PDE11A: variants seen among roughly 807,000 people sequenced by gnomAD.
PDE11A encodes the protein dual 3',5'-cyclic-AMP and -GMP phosphodiesterase 11A.
A neutral mutation model predicts 100.5 loss-of-function variants in PDE11A; 100 were observed. That is an observed-to-expected ratio of 1.00 (90% CI 0.85 to 1.18). The LOEUF is 1.18. PDE11A is among the 50% of genes most tolerant of loss of function. The probability of loss-of-function intolerance (pLI) is 0.00; values close to 1 mark genes in which losing one functional copy is unlikely to be tolerated. For synonymous variants in PDE11A, 381 were observed against 420.8 expected (o/e 0.91, Z 1.16); for missense variants, 1,141 against 1,152.6 (o/e 0.99, Z 0.15).
At chr2:177,700,320 A>T (rs1400161897) in intron 14 of PDE11A, among the ~76,000 whole-genome samples, 3 of 151,812 alleles carry the variant, frequency 2.0e-5, no homozygotes, top group Non-Finnish European at 4.4e-5. Flanking sequence ...GCAGGGCCTT[A>T]ATGATGATAA....
chr2:177,860,221 C>CAA (rs34364822), intron 5 of PDE11A, among the ~76,000 whole-genome samples: 8 of 137,100 alleles, frequency 5.8e-5, no homozygotes, highest in South Asian at 4.6e-4. Context: ...CTAGTTTTGC[C>CAA]AAAAAAAAAA....
chr2:178,076,115 T>A (rs2087205033), upstream of PDE11A, among the ~76,000 whole-genome samples: 4 of 152,046 alleles, frequency 2.6e-5, no homozygotes, highest in South Asian at 8.3e-4. Context: ...CAGGGCACTA[T>A]CACACGTGAA....
In PDE11A at chr2:178,069,566, T is replaced by C. The variant is rs117140000; in HGVS notation, c.912+1960A>G. Among the ~76,000 whole-genome samples, 23 of 151,932 alleles carry C rather than the reference T, an allele frequency of 1.5e-4. No individual in the cohort carries two copies. The East Asian group carries it at 4.3e-3, about 28-fold the overall frequency. The stretch of plus-strand genomic sequence containing the variant: ...CCCAGTCCCCTTTTGTGGCCATCAT[T>C]ACTACTCTGGGGGGAAAAGGGAAAA... On this transcript the variant is annotated intron_variant, in intron 1 of 19. Coordinates refer to ENST00000286063, the MANE Select transcript of PDE11A (RefSeq NM_016953.4).
chr2:177,945,783 G>A (rs1279919884), intron 2 of PDE11A, among the ~76,000 whole-genome samples: 1 of 150,960 alleles, frequency 6.6e-6, no homozygotes, highest in Admixed American at 6.6e-5. Context: ...GAGGTGGGGG[G>A]TCAGCCCCCC....
chr2:177,818,845 C>G (rs1015439289), intron 7 of PDE11A, among the ~76,000 whole-genome samples: 1 of 151,644 alleles, frequency 6.6e-6, no homozygotes, highest in African/African-American at 2.4e-5. Flanking sequence ...GCCTGTGTCC[C>G]CATTTAGTAC....
intron 6 of PDE11A, among the ~76,000 whole-genome samples, chr2:177,839,855 T>C (rs1300239531): frequency 6.6e-6 from 1 of 152,226 alleles, no homozygotes; most frequent in Non-Finnish European, 1.5e-5. Flanking sequence ...ATATATTCTG[T>C]ATATCAACAC....
At chr2:177,713,226 C>A (rs2081383373) in intron 12 of PDE11A, among the ~76,000 whole-genome samples, 1 of 152,084 alleles carries the variant, frequency 6.6e-6, no homozygotes, top group African/African-American at 2.4e-5. Context: ...TGAGGCTGGG[C>A]TCGAACTCCT....
intron 1 of PDE11A, among the ~76,000 whole-genome samples, chr2:178,030,926 C>A (rs141932744): frequency 1.3e-5 from 2 of 152,028 alleles, no homozygotes; most frequent in Non-Finnish European, 2.9e-5. Context: ...TGCAAAAACC[C>A]TAAAAACCAA....
intron 2 of PDE11A, among the ~76,000 whole-genome samples, chr2:177,934,420 C>A (rs2085247895): frequency 6.6e-6 from 1 of 152,146 alleles, no homozygotes; most frequent in Non-Finnish European, 1.5e-5. Context: ...AAATGCAAAT[C>A]AAAACCACAA....
chr2:177,876,274 A>AATTCCTCAC (rs1382153152), intron 4 of PDE11A, among the ~76,000 whole-genome samples: 1 of 152,124 alleles, frequency 6.6e-6, no homozygotes, highest in Non-Finnish European at 1.5e-5. Flanking sequence ...GCAATAAGAG[A>AATTCCTCAC]CCCAGGTAGG....
intron 2 of PDE11A, among the ~76,000 whole-genome samples, chr2:177,955,456 T>A: frequency 6.6e-6 from 1 of 152,192 alleles, no homozygotes; most frequent in East Asian, 1.9e-4. Context: ...GGGCAATAAA[T>A]GAAGCTAGAG....
At chr2:177,662,800 T>C (rs775129082) in intron 19 of PDE11A, among the ~76,000 whole-genome samples, 2 of 150,098 alleles carry the variant, frequency 1.3e-5, no homozygotes, top group Non-Finnish European at 3.0e-5. Context: ...GTTATAGTTA[T>C]CAAAAATTAC....
chr2:177,669,494 G>T lies in PDE11A; in HGVS notation c.2561C>A (p.Ser854Ter). 1.6e-6 allele frequency: 2 copies of T among 1,214,306 alleles called. No individual in the cohort carries two copies. The highest frequency in any genetic ancestry group is 1.2e-5 in the South Asian group (1 of 83,232). 75.2% of individuals were successfully genotyped at this position (1,214,306 alleles called of 1,614,324 possible). Residue 854 changes from serine to a stop codon, truncating the protein, a stop_gained and splice_region_variant, in exon 18 of 20, where the codon TCA becomes TAA. Coordinates refer to ENST00000286063, the MANE Select transcript of PDE11A (RefSeq NM_016953.4). LOFTEE classifies it high-confidence loss of function. ...RERLELKLTP[S>*]AIFDRNRKDE... ...GTTATAATTAAAGGATGAACTCACTGAAGGAGTGAGTTTGAGCTCTAATCT... is the reference window on the plus strand; with the variant it reads ...GTTATAATTAAAGGATGAACTCACTTAAGGAGTGAGTTTGAGCTCTAATCT...
intron 10 of PDE11A, among the ~76,000 whole-genome samples, chr2:177,744,439 G>T (rs1217702262): frequency 6.6e-6 from 1 of 152,068 alleles, no homozygotes; most frequent in African/African-American, 2.4e-5. Flanking sequence ...TCTGTGGAGG[G>T]CAGGAAGAGA....
At chr2:178,014,659 C>A (rs1227739054) in intron 1 of PDE11A, among the ~76,000 whole-genome samples, 199 bp from the exon 2 acceptor site, 1 of 152,026 alleles carries the variant, frequency 6.6e-6, no homozygotes, top group Admixed American at 6.6e-5. Flanking sequence ...AGTTGTTTGC[C>A]ATAGTAAATG....
At chr2:177,971,272 A>C (rs931071657) in intron 2 of PDE11A, among the ~76,000 whole-genome samples, 7 of 152,200 alleles carry the variant, frequency 4.6e-5, no homozygotes, top group Non-Finnish European at 8.8e-5. Context: ...CAGTATATTT[A>C]CTTTTCCTTT....
At chr2:177,853,864 A>G (rs2083779291) in intron 5 of PDE11A, among the ~76,000 whole-genome samples, 1 of 144,916 alleles carries the variant, frequency 6.9e-6, no homozygotes, top group Non-Finnish European at 1.5e-5. Context: ...ATATATCTAT[A>G]TATGTATATA....
chr2:177,647,582 T>C (rs1249195746), intron 19 of PDE11A, among the ~76,000 whole-genome samples: 1 of 152,192 alleles, frequency 6.6e-6, no homozygotes, highest in Non-Finnish European at 1.5e-5. Context: ...CTACTGAGCA[T>C]TTCTTGCAAG....
chr2:177,670,310 CTT>C (rs1354394888), intron 17 of PDE11A, among the ~76,000 whole-genome samples: 1 of 152,152 alleles, frequency 6.6e-6, no homozygotes, highest in African/African-American at 2.4e-5. Context: ...TAAATAGAGA[CTT>C]ATATTTTTCT....
Sources: gnomAD v4.1 joint callset for allele counts (sites outside exome capture counted in the v4.1 genomes callset) on GRCh38, gnomAD v4.1.1 for gene constraint, MANE v1.5 for transcripts, NCBI Gene and HGNC (gene_info 2026-07-23, HGNC 2026-07-21) for gene names.